The following DNTT variants were observed in gnomAD, a reference collection of about 807,000 sequenced individuals.
DNTT encodes the protein DNA nucleotidylexotransferase.
In DNTT, 47 loss-of-function variants were observed where a neutral mutation model predicts 60.9. The observed-to-expected ratio is 0.77, with a 90% CI of 0.61 to 0.98. DNTT has a LOEUF of 0.98. Ranked by LOEUF, DNTT falls within the 50% of genes least tolerant of loss-of-function variation. The probability of loss-of-function intolerance (pLI) is 0.00; values close to 1 mark genes in which losing one functional copy is unlikely to be tolerated. For missense variants in DNTT, 665 were observed against 627.5 expected (o/e 1.06, Z -0.64); for synonymous variants, 224 against 221.2 (o/e 1.01, Z -0.11).
rs185711435 is a variant in DNTT, at chr10:96,331,524, A to G, written c.1114-827A>G. On this transcript the variant is annotated intron_variant, in intron 8 of 10. Transcript: ENST00000371174. ...AGAGAGAAAGCAAGACAGAGTGGGG[A>G]GGGGCCAGGCTCTTTGTAACCCCCA... Among the ~76,000 whole-genome samples, 988 of 152,228 alleles carry G rather than the reference A, an allele frequency of 6.5e-3. 16 individuals are homozygous for G. Among genetic ancestry groups the G allele is most frequent in the African/African-American group, 0.023 (939 of 41,534 alleles).
Position 96,305,070 on chromosome 10 carries a change from G to A in DNTT, c.203+370G>A, listed in dbSNP as rs184259657. Among the ~76,000 whole-genome samples, 69 of 152,234 alleles carry A rather than the reference G, an allele frequency of 4.5e-4. No homozygotes were observed. In the East Asian group the frequency reaches 9.5e-3, roughly 21 times the overall value. ...TCACTGGGTTCAACAAAAAAGTTTTGGCTACTTTGATGCAGAAAGATGATT... is the reference window on the plus strand; with the variant it reads ...TCACTGGGTTCAACAAAAAAGTTTTAGCTACTTTGATGCAGAAAGATGATT... On this transcript the variant is annotated intron_variant, in intron 1 of 10. Transcript: ENST00000371174.
chr10:96,307,777 A>ATATATTT (rs768634575), intron 1 of DNTT, among the ~76,000 whole-genome samples: 20 of 126,020 alleles, frequency 1.6e-4, no homozygotes, highest in African/African-American at 5.6e-4. Flanking sequence ...ATATATATAT[A>ATATATTT]TTTTTTTTTT....
rs904242238 is a variant in DNTT at position 96,304,589 on chromosome 10, A to G, written c.92A>G (p.Lys31Arg). 5 of 1,614,158 alleles carry G rather than the reference A, an allele frequency of 3.1e-6. No homozygotes were observed. Among genetic ancestry groups the G allele is most frequent in the Admixed American group, 1.7e-5 (1 of 60,022 alleles). ...ATGGCCTCCTCTCCTCAAGACATCA[A>G]ATTTCAAGATTTGGTCGTCTTCATT... ...ALMASSPQDI[K>R]FQDLVVFILE... Residue 31 changes from lysine (K) to arginine (R), a missense_variant, in exon 1 of 11, where the codon AAA becomes AGA. Transcript: ENST00000371174.
intron 1 of DNTT, among the ~76,000 whole-genome samples, chr10:96,305,737 G>A (rs1844626004): frequency 6.6e-6 from 1 of 152,204 alleles, no homozygotes; most frequent in African/African-American, 2.4e-5. Flanking sequence ...CAGCTTCCAA[G>A]TGTTGAGGAG....
chr10:96,336,614 A>G (rs1845072688), intron 10 of DNTT, among the ~76,000 whole-genome samples: 1 of 152,192 alleles, frequency 6.6e-6, no homozygotes, highest in Non-Finnish European at 1.5e-5. Context: ...AAGGACACCA[A>G]AATAGGCTCC....
At chr10:96,336,063 A>G in intron 10 of DNTT, 89 bp downstream of exon 10, 1 of 1,286,756 alleles carries the variant, frequency 7.8e-7, no homozygotes, top group Admixed American at 1.7e-5. Context: ...TTTAGTATCC[A>G]GGTATGGTTT....
At chr10:96,329,775 A>G (rs763683868) in intron 8 of DNTT, among the ~76,000 whole-genome samples, 3 of 152,110 alleles carry the variant, frequency 2.0e-5, no homozygotes, top group Non-Finnish European at 4.4e-5. Flanking sequence ...AAGGGCAGGG[A>G]AGGGATCCTG....
At position 96,328,712 on chromosome 10, in the gene DNTT, T is replaced by C. The variant is rs1278095250; in HGVS notation, c.1008-13T>C. 1 of 1,608,548 alleles carries C rather than the reference T, an allele frequency of 6.2e-7. No individual in the cohort carries two copies. Among genetic ancestry groups the C allele is most frequent in the Admixed American group, 1.7e-5 (1 of 58,798 alleles). On this transcript the variant is annotated splice_polypyrimidine_tract_variant and intron_variant, in intron 7 of 10. Transcript: ENST00000371174. ...CTAATTGATTTCCATTTTATACTGC[T>C]TTTGAAAATTAGGGGTAAGAAGATG...
intron 1 of DNTT, among the ~76,000 whole-genome samples, chr10:96,315,971 G>A (rs1329776164): frequency 6.6e-6 from 1 of 151,996 alleles, no homozygotes; most frequent in Non-Finnish European, 1.5e-5. Flanking sequence ...ACTTATTTCT[G>A]TTTAGGCACA....
intron 1 of DNTT, among the ~76,000 whole-genome samples, chr10:96,307,501 C>T (rs1328182398): frequency 2.0e-5 from 3 of 149,946 alleles, no homozygotes; most frequent in Non-Finnish European, 3.0e-5. Flanking sequence ...ACTACAGGCA[C>T]GCGTCAGCAC....
chr10:96,332,354 T>G lies in DNTT; in HGVS notation c.1117T>G (p.Leu373Val). 6.2e-7 allele frequency: 1 copy of G among 1,612,492 alleles called. No homozygotes were observed. Residue 373 changes from leucine (L) to valine (V), a missense_variant, in exon 9 of 11, where the codon TTA (leucine) becomes GTA (valine). Physicochemically the swap from Leu to Val is conservative, Grantham distance 32. Transcript: ENST00000371174. ...KVMNLWEKKG[L>V]LLYYDLVEST... ...ATGCCATTCTGTTTCTTTTCAGGGATTACTTTTATATTATGACCTTGTGGA... is the reference window on the plus strand; with the variant it reads ...ATGCCATTCTGTTTCTTTTCAGGGAGTACTTTTATATTATGACCTTGTGGA...
intron 5 of DNTT, 46 bp downstream of exon 5, chr10:96,322,774 TCTTATTA>T: frequency 6.8e-7 from 1 of 1,473,798 alleles, no homozygotes; most frequent in African/African-American, 1.4e-5. Flanking sequence ...TTTCAGTTAA[TCTTATTA>T]CTTATTCTGG....
At chr10:96,308,923 C>G (rs918754206) in intron 1 of DNTT, among the ~76,000 whole-genome samples, 1 of 152,170 alleles carries the variant, frequency 6.6e-6, no homozygotes, top group Non-Finnish European at 1.5e-5. Flanking sequence ...GCTATTTTCA[C>G]TTCTTTTGTG....
chr10:96,328,687 C>T (rs377638690), intron 7 of DNTT, 38 bp from the exon 8 acceptor site: 4 of 1,587,076 alleles, frequency 2.5e-6, no homozygotes, highest in Middle Eastern at 1.7e-4. Context: ...AGACTAATAT[C>T]TAATTGATTT....
chr10:96,315,138 C>T (rs1195163811), intron 1 of DNTT, among the ~76,000 whole-genome samples: 2 of 152,090 alleles, frequency 1.3e-5, no homozygotes, highest in East Asian at 1.9e-4. Flanking sequence ...ATGGGAAATA[C>T]AGTCTGGGCC....
intron 8 of DNTT, among the ~76,000 whole-genome samples, chr10:96,330,995 T>C (rs7893551): frequency 0.74 from 112,309 of 152,114 alleles, 44,686 homozygotes; most frequent in East Asian, 0.92. Flanking sequence ...GTTGCTAGCA[T>C]GTTTCTCTCT....
chr10:96,313,118 C>T (rs1257215430), intron 1 of DNTT, among the ~76,000 whole-genome samples: 1 of 152,164 alleles, frequency 6.6e-6, no homozygotes, highest in Non-Finnish European at 1.5e-5. Context: ...CTCAGAATTG[C>T]TATAATTTGT....
chr10:96,307,733 A>ATATAT (rs1491263751), intron 1 of DNTT, among the ~76,000 whole-genome samples: 1 of 60,778 alleles, frequency 1.6e-5, no homozygotes, highest in Non-Finnish European at 4.4e-5. Context: ...ATATATATAT[A>ATATAT]AGCATATATA....
intron 1 of DNTT, among the ~76,000 whole-genome samples, chr10:96,310,886 A>G (rs1413018330): frequency 1.3e-5 from 2 of 152,160 alleles, no homozygotes; most frequent in Admixed American, 6.5e-5. Context: ...TCAGCAACAT[A>G]ATAAATATTT....
Sources: gnomAD v4.1 joint callset for allele counts (sites outside exome capture counted in the v4.1 genomes callset) on GRCh38, gnomAD v4.1.1 for gene constraint, MANE v1.5 for transcripts, NCBI Gene and HGNC (gene_info 2026-07-23, HGNC 2026-07-21) for gene names.